The following PLXNA2 variants were observed in gnomAD, a reference collection of about 807,000 sequenced individuals.
PLXNA2 encodes plexin-A2.
PLXNA2 carries 91 observed loss-of-function variants against 193.5 expected under a neutral mutation model. The observed-to-expected ratio is 0.47, with a 90% CI of 0.40 to 0.56. The LOEUF is 0.56. PLXNA2 is among the 20% of genes least tolerant of loss of function. PLXNA2 has a pLI of 0.00. For synonymous variants in PLXNA2, 997 were observed against 1,027.3 expected (o/e 0.97, Z 0.56); for missense variants, 1,995 against 2,503.2 (o/e 0.80, Z 4.33).
chr1:208,144,549 C>T (rs1668551510), intron 3 of PLXNA2, among the ~76,000 whole-genome samples: 1 of 152,170 alleles, frequency 6.6e-6, no homozygotes, highest in Non-Finnish European at 1.5e-5. Context: ...TGCTATACCC[C>T]ACGGATGAAA....
At chr1:208,216,648 T>C in intron 2 of PLXNA2, 87 bp downstream of exon 2, 1 of 1,446,940 alleles carries the variant, frequency 6.9e-7, no homozygotes, top group Non-Finnish European at 9.3e-7. Context: ...CATGGTGGTG[T>C]GGGAGCAGAT....
At chr1:208,088,807 G>A (rs4844636) in intron 9 of PLXNA2, among the ~76,000 whole-genome samples, 36,399 of 152,198 alleles carry the variant, frequency 0.24, 4,700 homozygotes, top group Admixed American at 0.33. Flanking sequence ...ATGCTGGATT[G>A]ACAATTGTTA....
intron 12 of PLXNA2, among the ~76,000 whole-genome samples, chr1:208,078,168 G>A (rs1360457644): frequency 6.6e-6 from 1 of 152,100 alleles, no homozygotes; most frequent in Non-Finnish European, 1.5e-5. Flanking sequence ...GTACAGTGGG[G>A]GTGAGAATAC....
chr1:208,206,029 G>GATA (rs1203179275), intron 3 of PLXNA2, among the ~76,000 whole-genome samples: 1 of 152,154 alleles, frequency 6.6e-6, no homozygotes, highest in Admixed American at 6.5e-5. Context: ...AAATGGAGGT[G>GATA]ATAATAGCAC....
chr1:208,221,147 A>C (rs759030611), intron 1 of PLXNA2, among the ~76,000 whole-genome samples: 2 of 152,228 alleles, frequency 1.3e-5, no homozygotes, highest in Non-Finnish European at 2.9e-5. Flanking sequence ...TGTGTGACTC[A>C]TGAATTATAG....
Position 208,038,525 on chromosome 1 carries a change from G to C in PLXNA2, c.4661-51C>G, listed in dbSNP as rs779829174. 19 of 1,422,750 alleles carry C rather than the reference G, an allele frequency of 1.3e-5. No individual in the cohort carries two copies. The highest frequency in any genetic ancestry group is 1.8e-5 in the Non-Finnish European group (18 of 1,005,916). 88.1% of individuals were successfully genotyped at this position (1,422,750 alleles called of 1,614,324 possible). The stretch of plus-strand genomic sequence containing the variant: ...GCGGCGTGAGAGGGATGAGGGCTGT[G>C]AGCCAGTGTCTCCCGATTGCACCTT... On this transcript the variant is annotated intron_variant, in intron 25 of 31. Transcript: ENST00000367033. The surrounding 1 kb of genome is among the most constrained non-coding windows in gnomAD (Gnocchi z 4.1).
At chr1:208,228,654 G>A (rs1671589985) in intron 1 of PLXNA2, among the ~76,000 whole-genome samples, 1 of 152,152 alleles carries the variant, frequency 6.6e-6, no homozygotes, top group African/African-American at 2.4e-5. Flanking sequence ...GCACTGCTAA[G>A]CACCCAAGTT....
chr1:208,035,171 C>T (rs1239973823), intron 26 of PLXNA2, among the ~76,000 whole-genome samples: 1 of 150,232 alleles, frequency 6.7e-6, no homozygotes, highest in Admixed American at 6.6e-5. Context: ...TCCCATTTTA[C>T]AGATGAAAAA....
chr1:208,138,358 G>A (rs1250067696), intron 4 of PLXNA2, among the ~76,000 whole-genome samples: 1 of 152,236 alleles, frequency 6.6e-6, no homozygotes, highest in Non-Finnish European at 1.5e-5. Context: ...TTCTGAGCAT[G>A]TTTAAGGTAG....
At chr1:208,113,243 G>A (rs1292256578) in intron 4 of PLXNA2, among the ~76,000 whole-genome samples, 4 of 152,172 alleles carry the variant, frequency 2.6e-5, no homozygotes, top group Non-Finnish European at 4.4e-5. Flanking sequence ...CCAGGAGGGG[G>A]AAAGGTGATG....
At chr1:208,164,385 G>A (rs779165869) in intron 3 of PLXNA2, among the ~76,000 whole-genome samples, 13 of 152,138 alleles carry the variant, frequency 8.5e-5, no homozygotes, top group Non-Finnish European at 1.5e-4. Flanking sequence ...TCTTTGCTCC[G>A]CATGCCCTAA....
intron 3 of PLXNA2, among the ~76,000 whole-genome samples, chr1:208,170,729 C>T (rs1243819001): frequency 1.3e-5 from 2 of 152,212 alleles, no homozygotes; most frequent in Admixed American, 6.5e-5. Context: ...CTATAATCTA[C>T]ATTGTTTTTA....
At chr1:208,183,019 G>C (rs185017956) in intron 3 of PLXNA2, among the ~76,000 whole-genome samples, 1 of 152,348 alleles carries the variant, frequency 6.6e-6, no homozygotes, top group African/African-American at 2.4e-5. Flanking sequence ...CACAGCGACT[G>C]GGGGAGGCTG....
At position 208,099,581 on chromosome 1, in the gene PLXNA2, G is replaced by GT. The variant is rs1017617306; in HGVS notation, c.1608-613dup. On this transcript the variant is annotated intron_variant, in intron 5 of 31. Transcript: ENST00000367033. ...ATGACTCTGTTATTTTTGTTTGTTT[G>GT]TTTTTTTGAGACAGAGTCTTGCTCT... Among the ~76,000 whole-genome samples, 10 of 152,060 alleles carry GT rather than the reference G, an allele frequency of 6.6e-5. No homozygotes were observed. In the East Asian group the frequency reaches 1.2e-3, roughly 18 times the overall value.
intron 1 of PLXNA2, among the ~76,000 whole-genome samples, chr1:208,223,633 G>A (rs1182063136): frequency 1.3e-5 from 2 of 152,194 alleles, no homozygotes; most frequent in African/African-American, 4.8e-5. Flanking sequence ...GGCAGGCCCA[G>A]GCAAATGTCA....
Position 208,217,447 on chromosome 1 carries a change from A to C in PLXNA2, c.476T>G (p.Leu159Arg). The change falls in exon 2 of 32, where the codon CTG becomes CGG. Residue 159 changes from leucine to arginine, a missense_variant. Leu to Arg is a moderately radical substitution (Grantham distance 102). Coordinates refer to ENST00000367033, the MANE Select transcript of PLXNA2 (RefSeq NM_025179.4). The surrounding 1 kb of genome is among the most constrained non-coding windows in gnomAD (Gnocchi z 4.7). ...GGTGCCCGTCTTGTTGACACTGGAC[A>C]GGTAGTGCTCCTTCTTGTGGGATGG... Reference protein sequence around the residue: ...VEPSHKKEHYLSSVNKTGTMY... With the variant: ...VEPSHKKEHYRSSVNKTGTMY... The C allele has an allele frequency of 6.2e-7, 1 of 1,614,182 alleles. No individual in the cohort carries two copies.
At position 208,042,346 on chromosome 1, in the gene PLXNA2, C is replaced by G. The variant is rs1558160677; in HGVS notation, c.4038G>C (p.Gln1346His). The G allele has an allele frequency of 1.2e-6, 2 of 1,613,888 alleles. No homozygotes were observed. The highest frequency in any genetic ancestry group is 2.2e-5 in the South Asian group (2 of 91,078). ...RELEVQGNGQ[Q>H]HVEKALKLFA... ...AGAGCTTCAGGGCCTTCTCCACGTGCTGCTGCCCGTTTCCTTGTACCTGGG... is the reference window on the plus strand; with the variant it reads ...AGAGCTTCAGGGCCTTCTCCACGTGGTGCTGCCCGTTTCCTTGTACCTGGG... Residue 1346 changes from glutamine to histidine, a missense_variant, in exon 22 of 32, where the codon CAG becomes CAC. By Grantham distance (24) the Gln-to-His change is conservative (BLOSUM62 0). Around this residue, in one of 3 missense-constraint regions of PLXNA2, gnomAD observed 1,291 missense variants for 1,673.6 expected, o/e 0.77. Coordinates refer to ENST00000367033, the MANE Select transcript of PLXNA2 (RefSeq NM_025179.4).
chr1:208,173,622 A>G (rs563715136), intron 3 of PLXNA2, among the ~76,000 whole-genome samples: 1 of 152,320 alleles, frequency 6.6e-6, no homozygotes, highest in African/African-American at 2.4e-5. Flanking sequence ...CTTTGCTACC[A>G]AGCTGTCATA....
intron 29 of PLXNA2, chr1:208,030,716 C>T: frequency 1.0e-6 from 1 of 985,434 alleles, no homozygotes; most frequent in Non-Finnish European, 1.2e-6. Flanking sequence ...TCTGAGGAGA[C>T]CGCTAACTCC....
Sources: gnomAD v4.1 joint callset for allele counts (sites outside exome capture counted in the v4.1 genomes callset) on GRCh38, gnomAD v4.1.1 for gene constraint, gnomAD v4.1.1 regional missense constraint, Gnocchi (gnomAD v3.1) non-coding constraint, MANE v1.5 for transcripts, NCBI Gene and HGNC (gene_info 2026-07-23, HGNC 2026-07-21) for gene names.